DLG2: variants seen among roughly 807,000 people sequenced by gnomAD.
The protein encoded by DLG2 is discs large MAGUK scaffold protein 2, also known as disks large homolog 2.
DLG2 carries 45 observed loss-of-function variants against 132.5 expected under a neutral mutation model. The ratio of observed to expected loss-of-function variants is 0.34; its 90% confidence interval spans 0.27 to 0.44. The LOEUF (loss-of-function observed/expected upper bound fraction) is 0.44. DLG2 is among the 20% of genes least tolerant of loss of function. The probability of loss-of-function intolerance (pLI) is 1.00; values close to 1 mark genes in which losing one functional copy is unlikely to be tolerated. For missense variants in DLG2, 1,045 were observed against 1,196.9 expected, an observed-to-expected ratio of 0.87 and a Z score of 1.87; for synonymous variants, 424 against 419.6, an observed-to-expected ratio of 1.01 and a Z score of -0.13.
chr11:84,029,215 T>G (rs1233587123), intron 11 of DLG2, among the ~76,000 whole-genome samples: 1 of 151,994 alleles, frequency 6.6e-6, no homozygotes, highest in Non-Finnish European at 1.5e-5. Context: ...CTGCCAGAAA[T>G]AAAAGAAAAT....
In DLG2 at chr11:84,497,997, G is replaced by A. The variant is rs558433605; in HGVS notation, c.519+36573C>T. ...TGGTAAGAAAGCAAATGACTACCAA[G>A]TACACATGAAAGGGCAATAATTTTC... is the stretch of plus-strand genomic sequence containing the variant. On this transcript the variant is annotated intron_variant, in intron 7 of 27. Transcript: ENST00000376104. Among the ~76,000 whole-genome samples, 103 of 152,262 alleles carry A rather than the reference G, an allele frequency of 6.8e-4. 1 individual carries two copies. In the South Asian group the frequency reaches 0.013, roughly 19 times the overall value.
At chr11:85,078,313 AC>A (rs1357313140) in intron 6 of DLG2, among the ~76,000 whole-genome samples, 1 of 150,968 alleles carries the variant, frequency 6.6e-6, no homozygotes, top group Non-Finnish European at 1.5e-5. Flanking sequence ...GGAAGGCTCT[AC>A]TAACAATGTT....
Position 84,905,920 on chromosome 11 carries a change from T to A in DLG2, c.357+205741A>T, listed in dbSNP as rs1427371948. On this transcript the variant is annotated intron_variant, in intron 6 of 27. Transcript: ENST00000376104. ...GTTTAACATGTTCCTAAAATTGGTTTTTAGTACCACTTCCAGATTGTCTAA... is the reference window on the plus strand; with the variant it reads ...GTTTAACATGTTCCTAAAATTGGTTATTAGTACCACTTCCAGATTGTCTAA... Among the ~76,000 whole-genome samples the A allele has an allele frequency of 4.6e-5, 7 of 152,306 alleles. No homozygotes were observed. The South Asian group carries it at 1.4e-3, about 32-fold the overall frequency.
At chr11:85,458,623 G>A (rs1228985565) in intron 3 of DLG2, among the ~76,000 whole-genome samples, 1 of 152,162 alleles carries the variant, frequency 6.6e-6, no homozygotes, top group Non-Finnish European at 1.5e-5. Flanking sequence ...TTTTCAGAGG[G>A]CTGAGGCTTT....
chr11:84,577,832 A>G (rs1278254329), intron 6 of DLG2, among the ~76,000 whole-genome samples: 1 of 152,198 alleles, frequency 6.6e-6, no homozygotes, highest in Non-Finnish European at 1.5e-5. Context: ...TCTCCTGGCC[A>G]TGTCAGAGAC....
Position 83,532,731 on chromosome 11 carries a change from G to T in DLG2, c.2170C>A (p.Pro724Thr). Residue 724 changes from proline to threonine, a missense_variant, in exon 21 of 28, where the codon CCT (proline) becomes ACT (threonine). Pro to Thr is a conservative substitution (Grantham distance 38). Around this residue, in one of 4 missense-constraint regions of DLG2, gnomAD observed 398 missense variants for 543.6 expected, o/e 0.73. Transcript: ENST00000376104. ...ACCCCTTTCGAATCAATCACTCCAG[G>T]TTTGGCATTAAACTTCACTGTCTTC... Reference protein sequence around the residue: ...RLKTVKFNAKPGVIDSKGSFN... With the variant: ...RLKTVKFNAKTGVIDSKGSFN... 1 of 1,613,214 alleles carries T rather than the reference G, an allele frequency of 6.2e-7. No individual in the cohort carries two copies. Among genetic ancestry groups the T allele is most frequent in the Non-Finnish European group, 8.5e-7 (1 of 1,179,444 alleles).
intron 9 of DLG2, 23 bp downstream of exon 9, chr11:84,163,438 G>T: frequency 6.3e-7 from 1 of 1,591,238 alleles, no homozygotes; most frequent in South Asian, 1.1e-5. Context: ...TGGGGCTTTG[G>T]ATTTTTCAAA....
At chr11:84,411,140 C>T (rs528612095) in intron 7 of DLG2, among the ~76,000 whole-genome samples, 2 of 152,222 alleles carry the variant, frequency 1.3e-5, no homozygotes, top group African/African-American at 2.4e-5. Flanking sequence ...AAAACATACA[C>T]CCTGCTAAAG....
intron 11 of DLG2, among the ~76,000 whole-genome samples, chr11:83,994,235 C>T (rs1022236157): frequency 6.6e-5 from 10 of 152,196 alleles, no homozygotes; most frequent in Middle Eastern, 3.4e-3. Flanking sequence ...AATCACAATA[C>T]GTAGCTGCCA....
intron 3 of DLG2, among the ~76,000 whole-genome samples, chr11:85,484,723 G>C (rs914353950): frequency 6.6e-5 from 10 of 151,256 alleles, no homozygotes; most frequent in Non-Finnish European, 1.3e-4. Context: ...AGAGGATGTG[G>C]AGAAATAGGA....
intron 6 of DLG2, among the ~76,000 whole-genome samples, chr11:85,035,182 C>A (rs917435031): frequency 6.6e-6 from 1 of 152,158 alleles, no homozygotes; most frequent in Non-Finnish European, 1.5e-5. Flanking sequence ...CTTGGCCAGC[C>A]TGAGTGATGT....
chr11:85,106,589 C>A (rs938115400), intron 6 of DLG2, among the ~76,000 whole-genome samples: 1 of 151,978 alleles, frequency 6.6e-6, no homozygotes, highest in South Asian at 2.1e-4. Flanking sequence ...ATGACCTATC[C>A]TTTTCTTTCT....
At chr11:85,502,313 T>C (rs1216616346) in intron 3 of DLG2, among the ~76,000 whole-genome samples, 1 of 151,592 alleles carries the variant, frequency 6.6e-6, no homozygotes, top group East Asian at 2.0e-4. Context: ...AAATACCTAC[T>C]GTAGGTGATG....
intron 3 of DLG2, among the ~76,000 whole-genome samples, chr11:85,351,083 G>A (rs7947098): frequency 0.05 from 7,558 of 151,988 alleles, 252 homozygotes; most frequent in East Asian, 0.094. Flanking sequence ...CTTTTATTTC[G>A]TTGAGCAGTG....
intron 4 of DLG2, among the ~76,000 whole-genome samples, chr11:85,272,873 C>T (rs186504857): frequency 6.6e-6 from 1 of 152,178 alleles, no homozygotes; most frequent in Non-Finnish European, 1.5e-5. Flanking sequence ...GCTACAGTAA[C>T]CAAAACAGCA....
chr11:84,339,757 G>GCA (rs2098505479), intron 7 of DLG2, among the ~76,000 whole-genome samples: 1 of 152,104 alleles, frequency 6.6e-6, no homozygotes, highest in Admixed American at 6.5e-5. Context: ...ATCCCCTTTA[G>GCA]AAAAGAGTCT....
intron 3 of DLG2, among the ~76,000 whole-genome samples, chr11:85,558,058 T>A (rs1177225238): frequency 1.3e-5 from 2 of 151,836 alleles, no homozygotes; most frequent in Non-Finnish European, 2.9e-5. Flanking sequence ...AAACTATGCA[T>A]CCAACAAAGG....
chr11:85,089,988 A>G (rs796657462), intron 6 of DLG2, among the ~76,000 whole-genome samples: 30 of 152,282 alleles, frequency 2.0e-4, no homozygotes, highest in African/African-American at 7.2e-4. Flanking sequence ...ATCTGATTTT[A>G]TTTCTGACAA....
chr11:85,274,794 A>G (rs1188710209), intron 4 of DLG2, among the ~76,000 whole-genome samples: 2 of 152,204 alleles, frequency 1.3e-5, no homozygotes, highest in Non-Finnish European at 1.5e-5. Context: ...CGTAAGTCAT[A>G]AGACTCCCAT....
Sources: allele counts gnomAD v4.1 joint callset (sites outside exome capture counted in the v4.1 genomes callset), GRCh38; gene constraint gnomAD v4.1.1; regional missense constraint gnomAD v4.1.1; transcripts MANE v1.5; gene names NCBI Gene and HGNC (gene_info 2026-07-23, HGNC 2026-07-21).